The following CHST8 variants were observed in gnomAD, a reference collection of about 807,000 sequenced individuals.
CHST8 encodes GALNAC-4-ST1.
In CHST8, 10 loss-of-function variants were observed where a neutral mutation model predicts 15.0. The ratio of observed to expected loss-of-function variants is 0.67; its 90% confidence interval spans 0.41 to 1.13. The LOEUF (loss-of-function observed/expected upper bound fraction) is 1.13. Ranked by LOEUF, CHST8 falls within the 50% of genes most tolerant of loss-of-function variation. The probability of loss-of-function intolerance (pLI) is 0.00; values close to 1 mark genes in which losing one functional copy is unlikely to be tolerated. For missense variants in CHST8, 634 were observed against 608.2 expected (o/e 1.04, Z -0.45); for synonymous variants, 259 against 256.6 (o/e 1.01, Z -0.09).
intron 3 of CHST8, among the ~76,000 whole-genome samples, chr19:33,760,793 T>G (rs1235144992): frequency 6.6e-6 from 1 of 152,170 alleles, no homozygotes; most frequent in Non-Finnish European, 1.5e-5. Flanking sequence ...AGCTAACATG[T>G]CAACTGTCCC....
chr19:33,666,263 G>A (rs1236288474), intron 1 of CHST8, among the ~76,000 whole-genome samples: 1 of 152,206 alleles, frequency 6.6e-6, no homozygotes. Context: ...CCATGCCCGT[G>A]GAAGCCCTCC....
At chr19:33,665,457 T>G (rs188473039) in intron 1 of CHST8, among the ~76,000 whole-genome samples, 1 of 152,296 alleles carries the variant, frequency 6.6e-6, no homozygotes, top group Admixed American at 6.5e-5. Context: ...AATAAAACTT[T>G]ATTTCCAGGA....
At position 33,699,796 on chromosome 19, in the gene CHST8, A is replaced by C. The variant is rs140047743; in HGVS notation, c.130+10405A>C. 6.6e-3 allele frequency among the ~76,000 whole-genome samples: 1,003 copies of C among 152,184 alleles called. 4 individuals carry two copies. Among genetic ancestry groups the C allele is most frequent in the Non-Finnish European group, 0.011 (742 of 68,000 alleles). On this transcript the variant is annotated intron_variant, in intron 3 of 4. Coordinates refer to ENST00000650847, the MANE Select transcript of CHST8 (RefSeq NM_001127895.2). ...TGCCTGTGCCTGTTCGGAGGACCAA[A>C]CTGCAATGTCAGAAGGTCTGTCCAG...
chr19:33,690,115 G>A (rs1166840875), intron 3 of CHST8, among the ~76,000 whole-genome samples: 3 of 152,316 alleles, frequency 2.0e-5, no homozygotes, highest in African/African-American at 7.2e-5. Context: ...CAAGGCCTGG[G>A]AACTCTCTGC....
intron 3 of CHST8, among the ~76,000 whole-genome samples, chr19:33,723,311 A>T (rs1227266907): frequency 6.6e-6 from 1 of 152,038 alleles, no homozygotes; most frequent in Non-Finnish European, 1.5e-5. Context: ...TATCCATGTG[A>T]GTGTGTGCAT....
chr19:33,669,057 A>C (rs1472749446), intron 2 of CHST8, among the ~76,000 whole-genome samples: 1 of 152,194 alleles, frequency 6.6e-6, no homozygotes, highest in African/African-American at 2.4e-5. Context: ...TGAGAGGGAA[A>C]TCAAAGGGCC....
chr19:33,770,803 C>T (rs2145395912), intron 3 of CHST8, among the ~76,000 whole-genome samples: 1 of 152,308 alleles, frequency 6.6e-6, no homozygotes, highest in Non-Finnish European at 1.5e-5. Flanking sequence ...GCTTAGCTCA[C>T]CCCAGAACTC....
At position 33,771,944 on chromosome 19, in the gene CHST8, C is replaced by G. The variant is rs1974991897; in HGVS notation, c.169-13C>G. The G allele has an allele frequency of 3.2e-6, 5 of 1,543,916 alleles. No homozygotes were observed. The East Asian group carries it at 1.1e-4, about 35-fold the overall frequency. ...CCTTTCCACTCAGATAACCACTTCT[C>G]TTCTTGCCCCAGGACCTCCCACCAG... On this transcript the variant is annotated splice_polypyrimidine_tract_variant and intron_variant, in intron 4 of 4. Transcript: ENST00000650847.
chr19:33,743,657 G>A (rs563213003), intron 3 of CHST8, among the ~76,000 whole-genome samples: 2 of 152,196 alleles, frequency 1.3e-5, no homozygotes, highest in Middle Eastern at 3.4e-3. Context: ...CTTTCTGCAC[G>A]TATCTGAGAG....
intron 3 of CHST8, among the ~76,000 whole-genome samples, chr19:33,761,190 C>A (rs545014179): frequency 1.3e-5 from 2 of 152,292 alleles, no homozygotes; most frequent in South Asian, 4.1e-4. Flanking sequence ...GCTTGTTCTT[C>A]CAGGCCCACA....
intron 2 of CHST8, chr19:33,685,054 GA>G (rs1417902489): frequency 1.3e-5 from 2 of 152,308 alleles, no homozygotes; most frequent in South Asian, 4.1e-4. Context: ...ATGCTGCCTG[GA>G]GCCAGGCACA....
At chr19:33,757,518 GAAAGAGAAAGAA>G (rs1974609441) in intron 3 of CHST8, among the ~76,000 whole-genome samples, 1 of 54,104 alleles carries the variant, frequency 1.8e-5, no homozygotes, top group Non-Finnish European at 3.5e-5. Context: ...AAGAAAGAAA[GAAAGAGAAAGAA>G]AGAAAGAAAG....
At chr19:33,743,369 G>A (rs952852871) in intron 3 of CHST8, among the ~76,000 whole-genome samples, 11 of 142,466 alleles carry the variant, frequency 7.7e-5, no homozygotes, top group East Asian at 2.1e-4. Flanking sequence ...GCGCGATCTC[G>A]GCTCACTGCA....
At chr19:33,757,383 AAAAGAAG>A in intron 3 of CHST8, among the ~76,000 whole-genome samples, 1 of 108,948 alleles carries the variant, frequency 9.2e-6, no homozygotes, top group South Asian at 2.9e-4. Flanking sequence ...CGGTCTCAAA[AAAAGAAG>A]AAAGAAAGAA....
chr19:33,728,805 A>G (rs1973946820), intron 3 of CHST8, among the ~76,000 whole-genome samples: 1 of 152,204 alleles, frequency 6.6e-6, no homozygotes, highest in South Asian at 2.1e-4. Context: ...CTGTGAGCCC[A>G]GGGCAGGAGG....
intron 3 of CHST8, among the ~76,000 whole-genome samples, chr19:33,770,447 G>A (rs906811486): frequency 2.0e-5 from 3 of 152,202 alleles, no homozygotes; most frequent in Admixed American, 6.5e-5. Context: ...CTGATTCCTC[G>A]GTGGCCAGGT....
chr19:33,680,569 A>G (rs923233649), intron 2 of CHST8, among the ~76,000 whole-genome samples: 3 of 152,246 alleles, frequency 2.0e-5, no homozygotes, highest in African/African-American at 7.2e-5. Context: ...ACGTATCCAC[A>G]GGGTAATTCA....
At chr19:33,676,896 A>G (rs1972817353) in intron 2 of CHST8, among the ~76,000 whole-genome samples, 1 of 152,024 alleles carries the variant, frequency 6.6e-6, no homozygotes, top group Non-Finnish European at 1.5e-5. Context: ...AAAAAAAAAA[A>G]AAGAAATCCA....
intron 1 of CHST8, among the ~76,000 whole-genome samples, chr19:33,631,759 TC>T (rs1972124796): frequency 6.6e-6 from 1 of 151,936 alleles, no homozygotes; most frequent in Non-Finnish European, 1.5e-5. Flanking sequence ...TGGCAACCAC[TC>T]CCCGCCCTCC....
Sources: allele counts gnomAD v4.1 joint callset (sites outside exome capture counted in the v4.1 genomes callset), GRCh38; gene constraint gnomAD v4.1.1; transcripts MANE v1.5; gene names NCBI Gene and HGNC (gene_info 2026-07-23, HGNC 2026-07-21).